Variants in KMT5B observed in about 807,000 individuals in gnomAD.
KMT5B encodes lysine methyltransferase 5B.
KMT5B carries 10 observed loss-of-function variants against 83.2 expected under a neutral mutation model. That is an observed-to-expected ratio of 0.12 (90% CI 0.07 to 0.20). KMT5B has a LOEUF of 0.20. Among genes scored for constraint, KMT5B ranks in the 10% least tolerant of loss-of-function variants. The pLI, the probability that KMT5B is intolerant of heterozygous loss-of-function variation, is 1.00. For missense variants in KMT5B, 753 were observed against 1,067.2 expected (o/e 0.71, Z 4.10); for synonymous variants, 349 against 388.8 (o/e 0.90, Z 1.20).
At chr11:68,187,019 C>T (rs1388827752) in intron 2 of KMT5B, among the ~76,000 whole-genome samples, 1 of 150,374 alleles carries the variant, frequency 6.7e-6, no homozygotes, top group Admixed American at 6.6e-5. Flanking sequence ...TTTTTGAAGA[C>T]AGGGTCTTGC....
intron 1 of KMT5B, among the ~76,000 whole-genome samples, chr11:68,193,741 CATT>C: frequency 6.6e-6 from 1 of 151,858 alleles, no homozygotes; most frequent in East Asian, 1.9e-4. Context: ...TAAAACCTCT[CATT>C]AATGATCATA....
chr11:68,199,508 G>C (rs1591052341), intron 1 of KMT5B, among the ~76,000 whole-genome samples: 1 of 152,320 alleles, frequency 6.6e-6, no homozygotes, highest in South Asian at 2.1e-4. Context: ...TGAGGTCAGA[G>C]AGGCTGCCAC....
At chr11:68,166,297 T>C in intron 10 of KMT5B, 1 of 1,093,890 alleles carries the variant, frequency 9.1e-7, no homozygotes, top group Non-Finnish European at 1.1e-6. Flanking sequence ...CCTTTCTCTT[T>C]GTTTAGTCTT....
At chr11:68,187,593 C>T (rs778463890) in intron 2 of KMT5B, among the ~76,000 whole-genome samples, 6 of 152,140 alleles carry the variant, frequency 3.9e-5, no homozygotes, top group Non-Finnish European at 5.9e-5. Context: ...GCTTGTTATA[C>T]GGTCTAGCAT....
At position 68,180,200 on chromosome 11, in the gene KMT5B, G is replaced by A. The variant is rs1246502640; in HGVS notation, c.309C>T (p.Ser103=). ...LGFQTHKMNT[S]AFPSRSSRHF... ...GCCTTGAGCTCCTCGAAGGAAAGGC[G>A]CTATATAAATGCAAAAACAAACAAC... The change falls in exon 4 of 11, where the codon AGC becomes AGT. Residue 103 remains serine, a splice_region_variant and synonymous_variant. Transcript: ENST00000304363. 5 of 1,562,442 alleles carry A rather than the reference G, an allele frequency of 3.2e-6. No homozygotes were observed. The highest frequency in any genetic ancestry group is 2.7e-5 in the African/African-American group (2 of 73,874).
intron 1 of KMT5B, among the ~76,000 whole-genome samples, chr11:68,207,014 G>C (rs994775481): frequency 6.6e-6 from 1 of 151,880 alleles, no homozygotes; most frequent in Non-Finnish European, 1.5e-5. Context: ...AGGCTGAGGC[G>C]GGCGGATCAC....
rs1856772667 is a variant in KMT5B at position 68,180,139 on chromosome 11, GGTT to G, written c.367_369del (p.Asn123del). The G allele has an allele frequency of 1.9e-6, 3 of 1,577,690 alleles. No individual in the cohort carries two copies. The highest frequency in any genetic ancestry group is 2.7e-5 in the African/African-American group (2 of 74,306). On this transcript the variant is annotated inframe_deletion, in exon 4 of 11. Coordinates refer to ENST00000304363, the MANE Select transcript of KMT5B (RefSeq NM_017635.5). ...TTAACACACACTACCTACCTCACAG[GGTT>G]GTTGTGAGAAAAACTGTCAGATTTT...
intron 1 of KMT5B, among the ~76,000 whole-genome samples, chr11:68,210,841 CAT>C (rs1555045410): frequency 1.3e-5 from 2 of 152,200 alleles, no homozygotes; most frequent in Non-Finnish European, 2.9e-5. Flanking sequence ...CTAAGGCTGA[CAT>C]AGTCGGGGAA....
intron 1 of KMT5B, among the ~76,000 whole-genome samples, chr11:68,195,400 T>G (rs1858582353): frequency 6.6e-6 from 1 of 152,146 alleles, no homozygotes; most frequent in Non-Finnish European, 1.5e-5. Flanking sequence ...AGGGCTGTTG[T>G]GAGGATCACA....
At chr11:68,204,594 G>A (rs1212388062) in intron 1 of KMT5B, among the ~76,000 whole-genome samples, 1 of 149,254 alleles carries the variant, frequency 6.7e-6, no homozygotes, top group East Asian at 2.0e-4. Context: ...CGAAAACCGT[G>A]AGAGAATAAA....
At chr11:68,173,946 T>C (rs753170235) in intron 5 of KMT5B, 33 bp from the exon 6 acceptor site, 5 of 1,364,608 alleles carry the variant, frequency 3.7e-6, no homozygotes, top group East Asian at 2.3e-5. Context: ...ATAATGACTT[T>C]AAATGGTATA....
chr11:68,164,567 C>G (rs769900548), intron 10 of KMT5B: 13 of 461,054 alleles, frequency 2.8e-5, no homozygotes, highest in Non-Finnish European at 5.3e-5. Context: ...ACAATGGTCT[C>G]AGAGACAACT....
At chr11:68,201,233 T>TG (rs1231566880) in intron 1 of KMT5B, among the ~76,000 whole-genome samples, 1 of 152,204 alleles carries the variant, frequency 6.6e-6, no homozygotes, top group Admixed American at 6.5e-5. Context: ...CTACCGTTGC[T>TG]GGGGGGAAGG....
intron 10 of KMT5B, chr11:68,164,673 A>C (rs1294636151): frequency 1.9e-6 from 1 of 514,548 alleles, no homozygotes; most frequent in Non-Finnish European, 3.9e-6. Flanking sequence ...GATTGCTCCA[A>C]TCATGCTGCA....
At chr11:68,201,273 C>T (rs112611930) in intron 1 of KMT5B, among the ~76,000 whole-genome samples, 68 of 152,244 alleles carry the variant, frequency 4.5e-4, no homozygotes, top group African/African-American at 1.5e-3. Flanking sequence ...TTTCCCCAAA[C>T]GTTTACAGTG....
intron 5 of KMT5B, 121 bp downstream of exon 5, chr11:68,174,897 A>T: frequency 1.1e-6 from 1 of 927,750 alleles, no homozygotes; most frequent in Non-Finnish European, 1.6e-6. Context: ...CAAGATCTTC[A>T]GACTGATTAG....
Position 68,182,835 on chromosome 11 carries a change from C to T in KMT5B, c.309-2635G>A, listed in dbSNP as rs564251145. 2.4e-4 allele frequency among the ~76,000 whole-genome samples: 36 copies of T among 151,554 alleles called. No individual in the cohort carries two copies. In the South Asian group the frequency reaches 5.4e-3, roughly 23 times the overall value. ...CACCACAACCTCTGCCTCCCAGGTT[C>T]AAGCGATTCTCCTGCCTCGGCCTCC... On this transcript the variant is annotated intron_variant, in intron 3 of 10. Transcript: ENST00000304363.
Position 68,158,761 on chromosome 11 carries a change from C to G in KMT5B, c.1585G>C (p.Gly529Arg), listed in dbSNP as rs759460249. 1.2e-4 allele frequency: 197 copies of G among 1,614,182 alleles called. 11 individuals carry two copies. In the South Asian group the frequency reaches 2.1e-3, roughly 17 times the overall value. Residue 529 changes from glycine to arginine, a missense_variant, in exon 11 of 11, where the codon GGG (glycine) becomes CGG (arginine). Around this residue, in one of 9 missense-constraint regions of KMT5B, gnomAD observed 397 missense variants for 395.9 expected, o/e 1.00. Coordinates refer to ENST00000304363, the MANE Select transcript of KMT5B (RefSeq NM_017635.5). Reference sequence around the variant, plus strand: ...ATGTAGGTGCAGGGCGAGCTCTCCCCCTGCGAATGAGCACCTCTCACAGGA... The same window carrying G: ...ATGTAGGTGCAGGGCGAGCTCTCCCGCTGCGAATGAGCACCTCTCACAGGA... The part of the protein sequence containing the change: ...QNPVRGAHSQ[G>R]ESSPCTYITR...
chr11:68,159,517 G>T (rs1854672052), intron 10 of KMT5B, among the ~76,000 whole-genome samples: 1 of 152,268 alleles, frequency 6.6e-6, no homozygotes, highest in South Asian at 2.1e-4. Flanking sequence ...CCACATAAAA[G>T]ATTTCAAAGA....
Sources: gnomAD v4.1 joint callset for allele counts (sites outside exome capture counted in the v4.1 genomes callset) on GRCh38, gnomAD v4.1.1 for gene constraint, gnomAD v4.1.1 regional missense constraint, MANE v1.5 for transcripts, NCBI Gene and HGNC (gene_info 2026-07-23, HGNC 2026-07-21) for gene names.